RPA1: variants seen among roughly 807,000 people sequenced by gnomAD.
The protein encoded by RPA1 is replication protein A1.
RPA1 carries 49 observed loss-of-function variants against 83.0 expected under a neutral mutation model. The ratio of observed to expected loss-of-function variants is 0.59; its 90% CI spans 0.47 to 0.75. RPA1 has a LOEUF of 0.75. Ranked by LOEUF, RPA1 falls within the 30% of genes least tolerant of loss-of-function variation. The probability of loss-of-function intolerance (pLI) is 0.00; values close to 1 mark genes in which losing one functional copy is unlikely to be tolerated. For missense variants in RPA1, 693 were observed against 776.1 expected (o/e 0.89, Z 1.27); for synonymous variants, 279 against 281.8 (o/e 0.99, Z 0.10).
At chr17:1,841,761 GATTTTTT>G (rs1409800247) in intron 1 of RPA1, among the ~76,000 whole-genome samples, 2 of 152,144 alleles carry the variant, frequency 1.3e-5, no homozygotes, top group East Asian at 3.8e-4. Flanking sequence ...GGTAACCGTA[GATTTTTT>G]TTGTAGACGT....
In RPA1 at chr17:1,855,538, G is replaced by C. The variant is rs559884212; in HGVS notation, c.361+2349G>C. ...GATCTCTGGGATAAGTCTATGTCAT[G>C]ATGTATTATTCTTTTTACATATTGT... is the stretch of plus-strand genomic sequence containing the variant. On this transcript the variant is annotated intron_variant, in intron 5 of 16. Coordinates refer to ENST00000254719, the MANE Select transcript of RPA1 (RefSeq NM_002945.5). Among the ~76,000 whole-genome samples the C allele has an allele frequency of 2.0e-5, 3 of 152,266 alleles. No individual in the cohort carries two copies. The South Asian group carries it at 6.2e-4, about 32-fold the overall frequency.
intron 6 of RPA1, among the ~76,000 whole-genome samples, chr17:1,872,825 C>T (rs547134036): frequency 4.1e-5 from 6 of 147,040 alleles, no homozygotes; most frequent in Admixed American, 1.4e-4. Flanking sequence ...GTACTATGGG[C>T]GCATGCCACC....
chr17:1,875,827 C>T (rs1913553540), intron 7 of RPA1, 34 bp downstream of exon 7: 2 of 1,578,808 alleles, frequency 1.3e-6, no homozygotes, highest in African/African-American at 1.4e-5. Flanking sequence ...TCAGAGTGTA[C>T]TTATGAAATC....
At position 1,843,265 on chromosome 17, in the gene RPA1, G is replaced by C. The variant is rs562496534; in HGVS notation, c.84+412G>C. 2.0e-5 allele frequency among the ~76,000 whole-genome samples: 3 copies of C among 151,824 alleles called. No individual in the cohort carries two copies. The Admixed American group carries it at 2.0e-4, about 10-fold the overall frequency. ...TTATTTAAGGGGTTCTCAAACTTCA[G>C]TGGGAGTTTTGAAAAATAGAAGCAG... On this transcript the variant is annotated intron_variant, in intron 2 of 16. Coordinates refer to ENST00000254719, the MANE Select transcript of RPA1 (RefSeq NM_002945.5).
intron 16 of RPA1, 37 bp downstream of exon 16, chr17:1,895,132 G>A (rs769957338): frequency 6.4e-7 from 1 of 1,552,868 alleles, no homozygotes; most frequent in Non-Finnish European, 8.9e-7. Flanking sequence ...TGGTGGTGGG[G>A]AGGTGCTGTT....
At chr17:1,830,277 C>T (rs935983266) in intron 1 of RPA1, 151 bp downstream of exon 1, 24 of 495,280 alleles carry the variant, frequency 4.8e-5, no homozygotes, top group Non-Finnish European at 6.3e-5. Flanking sequence ...CCGGGCGTCC[C>T]TCTAGTGTCA....
intron 5 of RPA1, among the ~76,000 whole-genome samples, chr17:1,865,574 A>G (rs919122267): frequency 1.3e-5 from 2 of 152,204 alleles, no homozygotes; most frequent in African/African-American, 4.8e-5. Context: ...AGTTATAGCT[A>G]CCGAATTGTG....
At chr17:1,886,601 C>A (rs953525368) in intron 13 of RPA1, among the ~76,000 whole-genome samples, 3 of 152,338 alleles carry the variant, frequency 2.0e-5, no homozygotes, top group Non-Finnish European at 4.4e-5. Context: ...TGCAGCTTCT[C>A]CATCAGCACT....
At chr17:1,877,853 A>G (rs1913628002) in intron 8 of RPA1, among the ~76,000 whole-genome samples, 1 of 152,226 alleles carries the variant, frequency 6.6e-6, no homozygotes, top group Non-Finnish European at 1.5e-5. Flanking sequence ...AACTAAACAA[A>G]ACCATGACGA....
intron 5 of RPA1, among the ~76,000 whole-genome samples, chr17:1,857,023 A>G (rs1477792887): frequency 6.6e-6 from 1 of 151,832 alleles, no homozygotes; most frequent in Non-Finnish European, 1.5e-5. Context: ...CTCGTTTCTT[A>G]AGGTGGAAGC....
At chr17:1,874,030 TATACAC>T (rs1214827361) in intron 6 of RPA1, among the ~76,000 whole-genome samples, 1,450 of 90,706 alleles carry the variant, frequency 0.016, 15 homozygotes, top group East Asian at 0.038. Context: ...TATATATATA[TATACAC>T]ACACACACAC....
chr17:1,886,021 A>G (rs1567825886), intron 13 of RPA1, among the ~76,000 whole-genome samples: 1 of 151,934 alleles, frequency 6.6e-6, no homozygotes, highest in African/African-American at 2.4e-5. Flanking sequence ...GTGTGTCTCC[A>G]TTGAGCCCTT....
At chr17:1,869,747 C>G (rs1212748338) in intron 5 of RPA1, among the ~76,000 whole-genome samples, 1 of 152,284 alleles carries the variant, frequency 6.6e-6, no homozygotes, top group South Asian at 2.1e-4. Flanking sequence ...AGGATTTTTA[C>G]TTAGCTGTAG....
rs1313656127 is a variant in RPA1, at chr17:1,884,340, A to T, written c.1374+396A>T. The stretch of plus-strand genomic sequence containing the variant: ...TTTGAGATGAGCGTTAGTCCGCCTC[A>T]GGTCAGACATGAGGCAGTTTCACGG... On this transcript the variant is annotated intron_variant, in intron 13 of 16. Coordinates refer to ENST00000254719, the MANE Select transcript of RPA1 (RefSeq NM_002945.5). This position sits in a 1 kb window ranked among gnomAD's most constrained non-coding sequence, Gnocchi z 4.1. Among the ~76,000 whole-genome samples the T allele has an allele frequency of 1.8e-5, 2 of 109,998 alleles. No individual in the cohort carries two copies. The highest frequency in any genetic ancestry group is 3.5e-5 in the Non-Finnish European group (2 of 57,234). 72.2% of individuals were successfully genotyped at this position (109,998 alleles called of 152,430 possible).
chr17:1,852,242 C>A (rs12450367), intron 4 of RPA1, among the ~76,000 whole-genome samples: 119,374 of 152,078 alleles, frequency 0.78, 48,971 homozygotes, highest in Non-Finnish European at 0.92. Context: ...CTAGTAGGAG[C>A]GAGAGAGAAT....
Position 1,873,925 on chromosome 17 carries a change from G to A in RPA1, c.454+1399G>A, listed in dbSNP as rs868047200. Among the ~76,000 whole-genome samples, 16 of 147,698 alleles carry A rather than the reference G, an allele frequency of 1.1e-4. No homozygotes were observed. The South Asian group carries it at 1.5e-3, about 14-fold the overall frequency. On this transcript the variant is annotated intron_variant, in intron 6 of 16. Coordinates refer to ENST00000254719, the MANE Select transcript of RPA1 (RefSeq NM_002945.5). ...TGAGAATCATTTGAACCCAGGAGGC[G>A]TAGGTTGCAGTGAGCCAAGTTTGCG...
intron 1 of RPA1, among the ~76,000 whole-genome samples, chr17:1,838,401 C>T (rs1161325976): frequency 2.6e-5 from 4 of 151,822 alleles, no homozygotes; most frequent in African/African-American, 7.3e-5. Context: ...GTCAGGAGTT[C>T]GAGACCAGCC....
At chr17:1,875,626 T>C (rs1345034854) in intron 6 of RPA1, 35 bp from the exon 7 acceptor site, 15 of 1,592,358 alleles carry the variant, frequency 9.4e-6, no homozygotes, top group Non-Finnish European at 1.3e-5. Context: ...AGTAGAATAG[T>C]AATAACTCCT....
At chr17:1,837,922 A>T (rs570168491) in intron 1 of RPA1, among the ~76,000 whole-genome samples, 1 of 152,122 alleles carries the variant, frequency 6.6e-6, no homozygotes, top group African/African-American at 2.4e-5. Context: ...ATTTTCATGA[A>T]GTCCAAGTTA....
Sources: allele counts gnomAD v4.1 joint callset (sites outside exome capture counted in the v4.1 genomes callset), GRCh38; gene constraint gnomAD v4.1.1; non-coding constraint Gnocchi (gnomAD v3.1); transcripts MANE v1.5; gene names NCBI Gene and HGNC (gene_info 2026-07-23, HGNC 2026-07-21).